The following FLRT2 variants were observed in gnomAD, a reference collection of about 807,000 sequenced individuals.
FLRT2 encodes the protein fibronectin leucine rich transmembrane protein 2, also known as leucine-rich repeat transmembrane protein FLRT2.
In FLRT2, 15 loss-of-function variants were observed where a neutral mutation model predicts 40.0. The ratio of observed to expected loss-of-function variants is 0.38; its 90% confidence interval spans 0.25 to 0.58. The LOEUF (loss-of-function observed/expected upper bound fraction) is 0.58, where lower values mean the gene tolerates loss of function less well. Among genes scored for constraint, FLRT2 ranks in the 20% least tolerant of loss-of-function variants. FLRT2 has a pLI of 0.71. For synonymous variants in FLRT2, 380 were observed against 336.8 expected (o/e 1.13, Z -1.41); for missense variants, 726 against 840.0 (o/e 0.86, Z 1.68).
chr14:85,536,637 G>GTT (rs11311753), intron 1 of FLRT2, among the ~76,000 whole-genome samples: 1 of 145,694 alleles, frequency 6.9e-6, no homozygotes, highest in Non-Finnish European at 1.5e-5. Context: ...AATACTCATG[G>GTT]TTTTTTTTTT....
intron 1 of FLRT2, among the ~76,000 whole-genome samples, chr14:85,564,529 A>G (rs1890527364): frequency 6.6e-6 from 1 of 152,212 alleles, no homozygotes; most frequent in East Asian, 1.9e-4. Context: ...TTCCAAATGT[A>G]TTCGTGGAAG....
At chr14:85,573,013 A>G (rs1157808469) in intron 1 of FLRT2, among the ~76,000 whole-genome samples, 3 of 152,002 alleles carry the variant, frequency 2.0e-5, no homozygotes, top group South Asian at 2.1e-4. Context: ...AGTCATTCCT[A>G]TCTCTGATTA....
chr14:85,554,065 G>T (rs1889803399), intron 1 of FLRT2, among the ~76,000 whole-genome samples: 1 of 152,084 alleles, frequency 6.6e-6, no homozygotes, highest in Non-Finnish European at 1.5e-5. Flanking sequence ...ATTCTCATTT[G>T]GAAGAAAGGG....
chr14:85,649,120 A>G lies in FLRT2; in HGVS notation c.*25623A>G, dbSNP rs1375163679. 6.6e-6 allele frequency: 1 copy of G among 152,178 alleles called. No individual in the cohort carries two copies. The highest frequency in any genetic ancestry group is 1.5e-5 in the Non-Finnish European group (1 of 68,034). The allele number at this position is 152,178 out of a possible 1,614,324, so 9.4% of individuals were successfully genotyped here. A position where few individuals can be genotyped will look rare whatever the true frequency, so the allele number is the denominator to read the frequency against. ...CATCAGTATTCTGCAGTCTGATTGC[A>G]GAAGCATATATGTAAAAATATACCT... On this transcript the variant is annotated 3_prime_UTR_variant, in exon 2 of 2. Coordinates refer to ENST00000330753, the MANE Select transcript of FLRT2 (RefSeq NM_013231.6).
chr14:85,585,362 A>G (rs1481200700), intron 1 of FLRT2, among the ~76,000 whole-genome samples: 1 of 152,144 alleles, frequency 6.6e-6, no homozygotes, highest in Non-Finnish European at 1.5e-5. Context: ...TCAGGGCAGT[A>G]TTTATATTGT....
Position 85,626,457 on chromosome 14 carries a change from A to T in FLRT2, c.*2960A>T, listed in dbSNP as rs1893686805. On this transcript the variant is annotated 3_prime_UTR_variant, in exon 2 of 2. Transcript: ENST00000330753. ...AATGAGGTGACTCAGATAGAATCTG[A>T]TCCCATTCAGAGCTTGGTAAATGTC... The T allele has an allele frequency of 6.0e-6, 1 of 167,120 alleles. No individual in the cohort carries two copies. The highest frequency in any genetic ancestry group is 2.1e-4 in the South Asian group (1 of 4,828). 10.4% of individuals were successfully genotyped at this position (167,120 alleles called of 1,614,324 possible).
At chr14:85,569,029 A>G (rs775566167) in intron 1 of FLRT2, among the ~76,000 whole-genome samples, 3 of 152,106 alleles carry the variant, frequency 2.0e-5, no homozygotes, top group African/African-American at 4.8e-5. Context: ...AAACCCTTTC[A>G]TGATACATAG....
At chr14:85,620,427 C>T (rs1403969420) in intron 1 of FLRT2, among the ~76,000 whole-genome samples, 1 of 152,038 alleles carries the variant, frequency 6.6e-6, no homozygotes, top group East Asian at 1.9e-4. Flanking sequence ...ATCTTTATCA[C>T]CTTCATACTG....
chr14:85,532,475 A>G (rs1322514283), intron 1 of FLRT2, among the ~76,000 whole-genome samples: 1 of 152,108 alleles, frequency 6.6e-6, no homozygotes, highest in Non-Finnish European at 1.5e-5. Context: ...TTACCCTTTA[A>G]CCTTTGGAAA....
In FLRT2 at chr14:85,642,169, C is replaced by T. The variant is rs913891254; in HGVS notation, c.*18672C>T. 6.8e-6 allele frequency: 1 copy of T among 147,778 alleles called. No homozygotes were observed. The highest frequency in any genetic ancestry group is 1.5e-5 in the Non-Finnish European group (1 of 67,056). 9.2% of individuals were successfully genotyped at this position (147,778 alleles called of 1,614,324 possible). A position where few individuals can be genotyped will look rare whatever the true frequency, so the allele number is the denominator to read the frequency against. On this transcript the variant is annotated 3_prime_UTR_variant, in exon 2 of 2. Coordinates refer to ENST00000330753, the MANE Select transcript of FLRT2 (RefSeq NM_013231.6). ...AAAAGAAAGAAAGAAAAAAATGGCA[C>T]ACAGTGTCTGATCTTGTTTATTGCT...
chr14:85,533,520 C>G (rs993500743), intron 1 of FLRT2, among the ~76,000 whole-genome samples: 1 of 152,110 alleles, frequency 6.6e-6, no homozygotes, highest in Non-Finnish European at 1.5e-5. Context: ...TCCTCCAAAT[C>G]CGAGGAGCTC....
At position 85,643,218 on chromosome 14, in the gene FLRT2, G is replaced by A. The variant is rs907032161; in HGVS notation, c.*19721G>A. On this transcript the variant is annotated 3_prime_UTR_variant, in exon 2 of 2. Transcript: ENST00000330753. The stretch of plus-strand genomic sequence containing the variant: ...TCCATAACAGGGAGATAGGAACATT[G>A]GAGTAACCCATCATATGATTCACTT... The A allele has an allele frequency of 4.6e-5, 7 of 152,128 alleles. No homozygotes were observed. Among genetic ancestry groups the A allele is most frequent in the African/African-American group, 1.7e-4 (7 of 41,414 alleles). 9.4% of individuals were successfully genotyped at this position (152,128 alleles called of 1,614,324 possible). A position where few individuals can be genotyped will look rare whatever the true frequency, so the allele number is the denominator to read the frequency against.
chr14:85,578,153 A>T (rs1028875147), intron 1 of FLRT2, among the ~76,000 whole-genome samples: 19 of 144,934 alleles, frequency 1.3e-4, no homozygotes, highest in East Asian at 4.1e-4. Context: ...TATATATATA[A>T]AAATATCTTT....
At chr14:85,587,134 C>G (rs950763537) in intron 1 of FLRT2, among the ~76,000 whole-genome samples, 5 of 152,064 alleles carry the variant, frequency 3.3e-5, no homozygotes, top group African/African-American at 7.2e-5. Context: ...AACGAGGAAG[C>G]TTTGTTGTAC....
chr14:85,532,748 G>A (rs1888362991), intron 1 of FLRT2, among the ~76,000 whole-genome samples: 1 of 152,126 alleles, frequency 6.6e-6, no homozygotes, highest in Admixed American at 6.5e-5. Context: ...GAGGAGTGGG[G>A]GGCACATCAC....
Position 85,646,776 on chromosome 14 carries a change from C to A in FLRT2, c.*23279C>A, listed in dbSNP as rs535883877. 6.6e-6 allele frequency: 1 copy of A among 152,220 alleles called. No homozygotes were observed. Among genetic ancestry groups the A allele is most frequent in the East Asian group, 1.9e-4 (1 of 5,174 alleles). The allele number at this position is 152,220 out of a possible 1,614,324, so 9.4% of individuals were successfully genotyped here. A position where few individuals can be genotyped will look rare whatever the true frequency, so the allele number is the denominator to read the frequency against. On this transcript the variant is annotated 3_prime_UTR_variant, in exon 2 of 2. Transcript: ENST00000330753. ...AGATTGCAGGTGCCCACCACTACACCCAGCTAATTTTTGTTTTTTTTGGTA... is the reference window on the plus strand; with the variant it reads ...AGATTGCAGGTGCCCACCACTACACACAGCTAATTTTTGTTTTTTTTGGTA...
At chr14:85,568,289 G>GT (rs1890724325) in intron 1 of FLRT2, among the ~76,000 whole-genome samples, 1 of 152,034 alleles carries the variant, frequency 6.6e-6, no homozygotes, top group South Asian at 2.1e-4. Context: ...TCTGCCCTAG[G>GT]TAAGTCATTC....
Position 85,651,694 on chromosome 14 carries a change from C to T in FLRT2, c.*28197C>T, listed in dbSNP as rs980499378. ...TTTATTTTGGCTGATATTTTCGTTA[C>T]TTTTTTCTTATTTTTATCCTTTCTA... On this transcript the variant is annotated 3_prime_UTR_variant, in exon 2 of 2. Transcript: ENST00000330753. 1.3e-5 allele frequency: 2 copies of T among 151,852 alleles called. No homozygotes were observed. The highest frequency in any genetic ancestry group is 4.8e-5 in the African/African-American group (2 of 41,368). The allele number at this position is 151,852 out of a possible 1,614,324, so 9.4% of individuals were successfully genotyped here. A position where few individuals can be genotyped will look rare whatever the true frequency, so the allele number is the denominator to read the frequency against.
rs1215364372 is a variant in FLRT2 at position 85,624,599 on chromosome 14, T to G, written c.*1102T>G. On this transcript the variant is annotated 3_prime_UTR_variant, in exon 2 of 2. Transcript: ENST00000330753. ...TTTGTTAGTATCATGTTGAAATAGCTTGAAGTAATATCTTTTATCCCCTTG... is the reference window on the plus strand; with the variant it reads ...TTTGTTAGTATCATGTTGAAATAGCGTGAAGTAATATCTTTTATCCCCTTG... 1.8e-5 allele frequency: 3 copies of G among 166,976 alleles called. No homozygotes were observed. Among genetic ancestry groups the G allele is most frequent in the African/African-American group, 7.2e-5 (3 of 41,462 alleles). The allele number at this position is 166,976 out of a possible 1,614,324, so 10.3% of individuals were successfully genotyped here.
Sources: gnomAD v4.1 joint callset for allele counts (sites outside exome capture counted in the v4.1 genomes callset) on GRCh38, gnomAD v4.1.1 for gene constraint, MANE v1.5 for transcripts, NCBI Gene and HGNC (gene_info 2026-07-23, HGNC 2026-07-21) for gene names.